The following SNX14 variants were observed in gnomAD, a reference collection of about 807,000 sequenced individuals.
SNX14 encodes the protein sorting nexin 14.
SNX14 carries 93 observed loss-of-function variants against 133.8 expected under a neutral mutation model. The observed-to-expected ratio is 0.70, with a 90% confidence interval of 0.59 to 0.83. The LOEUF (loss-of-function observed/expected upper bound fraction) is 0.83. SNX14 is among the 40% of genes least tolerant of loss of function. The pLI, the probability that SNX14 is intolerant of heterozygous loss-of-function variation, is 0.00. For synonymous variants in SNX14, 368 were observed against 365.6 expected, an observed-to-expected ratio of 1.01 and a Z score of -0.07; for missense variants, 945 against 1,094.9, an observed-to-expected ratio of 0.86 and a Z score of 1.93.
At chr6:85,572,735 T>C (rs1038914528) in intron 2 of SNX14, among the ~76,000 whole-genome samples, 5 of 152,160 alleles carry the variant, frequency 3.3e-5, no homozygotes, top group Non-Finnish European at 7.3e-5. Context: ...GGTGAGTGGA[T>C]GGCTTGAGCC....
Position 85,548,310 on chromosome 6 carries a change from T to C in SNX14, c.858A>G (p.Leu286=), listed in dbSNP as rs1204066392. 6.2e-7 allele frequency: 1 copy of C among 1,606,616 alleles called. No homozygotes were observed. The highest frequency in any genetic ancestry group is 8.5e-7 in the Non-Finnish European group (1 of 1,177,128). Residue 286 remains leucine (L), a synonymous_variant, in exon 9 of 29, where the codon CTA becomes CTG. Coordinates refer to ENST00000314673, the MANE Select transcript of SNX14 (RefSeq NM_153816.6). ...AAATCTTAAGTCTTACTGGATCAGC[T>C]AGGAAATCCAAAGAAGGAAGGAACA... The part of the protein sequence containing the change: ...GSVFLPSLDF[L]ADPDTVNHLL...
chr6:85,570,490 A>G (rs1452256787), intron 4 of SNX14, among the ~76,000 whole-genome samples: 1 of 152,228 alleles, frequency 6.6e-6, no homozygotes, highest in Non-Finnish European at 1.5e-5. Flanking sequence ...AAACAGGTGA[A>G]ATTAATTTTA....
intron 1 of SNX14, among the ~76,000 whole-genome samples, chr6:85,576,430 A>C (rs867585831): frequency 6.6e-6 from 1 of 152,176 alleles, no homozygotes; most frequent in Non-Finnish European, 1.5e-5. Context: ...CTTCTTCCCT[A>C]CCTACAGCTG....
At chr6:85,514,664 A>C (rs374863401) in intron 23 of SNX14, 35 bp from the exon 24 acceptor site, 1 of 1,575,992 alleles carries the variant, frequency 6.3e-7, no homozygotes, top group Non-Finnish European at 8.7e-7. Flanking sequence ...AGAGATATAT[A>C]GTTTATTACA....
chr6:85,572,718 A>T (rs1796050448), intron 2 of SNX14, among the ~76,000 whole-genome samples: 1 of 152,194 alleles, frequency 6.6e-6, no homozygotes, highest in Non-Finnish European at 1.5e-5. Flanking sequence ...GCACTCTGGG[A>T]GACCGCGGTG....
At chr6:85,581,249 C>T (rs1798970236) in intron 1 of SNX14, 1 of 152,206 alleles carries the variant, frequency 6.6e-6, no homozygotes. Flanking sequence ...AAGGAGGTAC[C>T]TCTGTAAGTC....
At chr6:85,575,306 C>T (rs867411784) in intron 1 of SNX14, among the ~76,000 whole-genome samples, 2 of 152,184 alleles carry the variant, frequency 1.3e-5, no homozygotes, top group African/African-American at 4.8e-5. Flanking sequence ...CCAATGACCA[C>T]AGTATTATTT....
chr6:85,593,740 A>G lies in SNX14; in HGVS notation c.-22T>C, dbSNP rs1212581805. On this transcript the variant is annotated 5_prime_UTR_variant, in exon 1 of 29. Coordinates refer to ENST00000314673, the MANE Select transcript of SNX14 (RefSeq NM_153816.6). Reference sequence around the variant, plus strand: ...CCATCTCCGTAACGGCGAGGCCGAGACTGCGCTACTGGCTGAGGCAGAGGT... The same window carrying G: ...CCATCTCCGTAACGGCGAGGCCGAGGCTGCGCTACTGGCTGAGGCAGAGGT... 1 of 1,612,812 alleles carries G rather than the reference A, an allele frequency of 6.2e-7. No individual in the cohort carries two copies. The highest frequency in any genetic ancestry group is 8.5e-7 in the Non-Finnish European group (1 of 1,179,876).
At chr6:85,517,676 T>C (rs1775499926) in intron 23 of SNX14, 80 bp downstream of exon 23, 2 of 1,458,314 alleles carry the variant, frequency 1.4e-6, no homozygotes, top group Non-Finnish European at 9.1e-7. Flanking sequence ...TAACAAAGTA[T>C]TCATTCTCTC....
In SNX14 at chr6:85,565,368, AC is replaced by A. The variant is rs769742160; in HGVS notation, c.512del (p.Arg171LeufsTer7). 3.1e-6 allele frequency: 5 copies of A among 1,604,168 alleles called. No individual in the cohort carries two copies. The highest frequency in any genetic ancestry group is 1.3e-5 in the African/African-American group (1 of 74,808). On this transcript the variant is annotated frameshift_variant, in exon 6 of 29. Coordinates refer to ENST00000314673, the MANE Select transcript of SNX14 (RefSeq NM_153816.6). LOFTEE classifies it high-confidence loss of function. Reference protein sequence around the residue: ...SFVDELRITLRFFASVLIRRI... With the variant: ...SFVDELRITLXFFASVLIRRI... Reference sequence around the variant, plus strand: ...TTCTTATTAAGACAGATGCAAAAAAACGTAATGTTATTCTCAGTTCATCAAC... The same window carrying A: ...TTCTTATTAAGACAGATGCAAAAAAAGTAATGTTATTCTCAGTTCATCAAC...
intron 21 of SNX14, among the ~76,000 whole-genome samples, chr6:85,525,830 G>A (rs562249890): frequency 2.0e-5 from 3 of 151,986 alleles, no homozygotes; most frequent in East Asian, 3.9e-4. Flanking sequence ...ACACTGATTC[G>A]CATATGCTAA....
At chr6:85,575,858 A>G (rs1030952686) in intron 1 of SNX14, among the ~76,000 whole-genome samples, 2 of 152,228 alleles carry the variant, frequency 1.3e-5, no homozygotes, top group Non-Finnish European at 2.9e-5. Context: ...GAGTATGGTA[A>G]TTCACCTATG....
At chr6:85,516,744 T>A (rs1004771410) in intron 23 of SNX14, among the ~76,000 whole-genome samples, 16 of 148,336 alleles carry the variant, frequency 1.1e-4, no homozygotes, top group African/African-American at 3.5e-4. Flanking sequence ...TTCAAGCGAC[T>A]CTCCTGCCTC....
intron 28 of SNX14, among the ~76,000 whole-genome samples, chr6:85,506,378 A>G (rs942930095): frequency 6.6e-6 from 1 of 151,430 alleles, no homozygotes; most frequent in African/African-American, 2.4e-5. Context: ...GTCTAATGGC[A>G]TGATCTCGGC....
At chr6:85,564,855 G>A (rs927270673) in intron 6 of SNX14, among the ~76,000 whole-genome samples, 3 of 151,970 alleles carry the variant, frequency 2.0e-5, no homozygotes, top group African/African-American at 7.3e-5. Context: ...CGGGCGTGGT[G>A]GCATATTCCT....
intron 8 of SNX14, among the ~76,000 whole-genome samples, chr6:85,548,627 G>T (rs1289408456): frequency 6.6e-6 from 1 of 152,084 alleles, no homozygotes; most frequent in Non-Finnish European, 1.5e-5. Context: ...TTACTTAAGA[G>T]AAGAAAAAGT....
At chr6:85,571,337 G>GT (rs1196255257) in intron 4 of SNX14, among the ~76,000 whole-genome samples, 2 of 149,896 alleles carry the variant, frequency 1.3e-5, no homozygotes, top group African/African-American at 4.9e-5. Context: ...TCCGGCCTGG[G>GT]TGGCAGAGCA....
intron 17 of SNX14, among the ~76,000 whole-genome samples, chr6:85,536,474 CA>C (rs1022453244): frequency 6.6e-6 from 1 of 152,240 alleles, no homozygotes; most frequent in Admixed American, 6.5e-5. Context: ...AAAAAGGTAA[CA>C]TCAGAATTTG....
chr6:85,540,737 C>T (rs976032504), intron 15 of SNX14, among the ~76,000 whole-genome samples: 4 of 152,114 alleles, frequency 2.6e-5, no homozygotes, highest in African/African-American at 7.2e-5. Context: ...ATATTCTCCT[C>T]GTGGCTAAGG....
Sources: allele counts gnomAD v4.1 joint callset (sites outside exome capture counted in the v4.1 genomes callset), GRCh38; gene constraint gnomAD v4.1.1; transcripts MANE v1.5; gene names NCBI Gene and HGNC (gene_info 2026-07-23, HGNC 2026-07-21).